Variants in ZC3H3 observed in about 807,000 individuals in gnomAD.
ZC3H3 encodes the protein zinc finger CCCH domain-containing protein 3.
ZC3H3 carries 36 observed loss-of-function variants against 77.3 expected under a neutral mutation model. That is an observed-to-expected ratio of 0.47 (90% CI 0.36 to 0.61). The LOEUF (loss-of-function observed/expected upper bound fraction) is 0.61, where lower values mean the gene tolerates loss of function less well. Among genes scored for constraint, ZC3H3 ranks in the 20% least tolerant of loss-of-function variants. The probability of loss-of-function intolerance (pLI) is 0.00; values close to 1 mark genes in which losing one functional copy is unlikely to be tolerated. For synonymous variants in ZC3H3, 626 were observed against 555.2 expected (o/e 1.13, Z -1.79); for missense variants, 1,331 against 1,312.2 (o/e 1.01, Z -0.22).
At chr8:143,517,367 C>T (rs1383068990) in intron 3 of ZC3H3, among the ~76,000 whole-genome samples, 1 of 152,112 alleles carries the variant, frequency 6.6e-6, no homozygotes. Context: ...AAGGGGGTTC[C>T]CAAAAAGGGT....
chr8:143,458,005 C>T (rs889653094), intron 9 of ZC3H3, among the ~76,000 whole-genome samples: 1 of 151,840 alleles, frequency 6.6e-6, no homozygotes, highest in Non-Finnish European at 1.5e-5. Flanking sequence ...CCAATGAAAT[C>T]GAAAACAGAA....
rs113383821 is a variant in ZC3H3 at position 143,460,839 on chromosome 8, T to C, written c.2307+4878A>G. ...GGGACACAGCTAGACCCTGGAAACA[T>C]TACGCTGCGTGAAAGACGCCAGACA... On this transcript the variant is annotated intron_variant, in intron 9 of 11. Transcript: ENST00000262577. This position sits in a 1 kb window ranked among gnomAD's most constrained non-coding sequence, Gnocchi z 4.0. 9.6e-3 allele frequency among the ~76,000 whole-genome samples: 1,465 copies of C among 152,228 alleles called. 18 individuals carry two copies. Among genetic ancestry groups the C allele is most frequent in the Middle Eastern group, 0.024 (7 of 294 alleles).
At chr8:143,523,797 A>C (rs1389911713) in intron 3 of ZC3H3, among the ~76,000 whole-genome samples, 1 of 152,238 alleles carries the variant, frequency 6.6e-6, no homozygotes, top group Non-Finnish European at 1.5e-5. Context: ...GACCTGCTAG[A>C]GCCAGAGCAC....
At chr8:143,518,315 G>C (rs575751744) in intron 3 of ZC3H3, among the ~76,000 whole-genome samples, 5 of 152,300 alleles carry the variant, frequency 3.3e-5, no homozygotes, top group Non-Finnish European at 7.4e-5. Flanking sequence ...CCCAAGGTCA[G>C]TGGAACAGAT....
At chr8:143,483,507 C>G (rs1408949333) in intron 4 of ZC3H3, among the ~76,000 whole-genome samples, 3 of 152,146 alleles carry the variant, frequency 2.0e-5, no homozygotes, top group African/African-American at 7.2e-5. Context: ...GACAGAGTCC[C>G]TCATGGGAGG....
In ZC3H3 at chr8:143,538,543, G is replaced by C. The variant is rs538447082; in HGVS notation, c.824C>G (p.Pro275Arg). ...VDAGHTDQPV[P>R]SGSVGGPARP... is the part of the protein sequence containing the mutation. ...GGCGGGGCCCCCCACTGAGCCAGAC[G>C]GAACTGGCTGATCTGTGTGGCCAGC... The change falls in exon 2 of 12, where the codon CCG (proline) becomes CGG (arginine). Residue 275 changes from proline to arginine, a missense_variant. Pro to Arg is a moderately radical substitution (Grantham distance 103). Around this residue, in one of 3 missense-constraint regions of ZC3H3, gnomAD observed 978 missense variants for 915.5 expected, o/e 1.07. Coordinates refer to ENST00000262577, the MANE Select transcript of ZC3H3 (RefSeq NM_015117.3). 1.9e-6 allele frequency: 3 copies of C among 1,611,828 alleles called. No homozygotes were observed. In the East Asian group the frequency reaches 6.7e-5, roughly 36 times the overall value.
chr8:143,497,138 G>A (rs1001007872), intron 4 of ZC3H3, among the ~76,000 whole-genome samples: 7 of 152,366 alleles, frequency 4.6e-5, no homozygotes, highest in Admixed American at 3.9e-4. Flanking sequence ...TGCAACTTCT[G>A]TAAAAGTATA....
chr8:143,530,713 C>T lies in ZC3H3; in HGVS notation c.1561+5544G>A, dbSNP rs190259556. On this transcript the variant is annotated intron_variant, in intron 3 of 11. Transcript: ENST00000262577. This position sits in a 1 kb window ranked among gnomAD's most constrained non-coding sequence, Gnocchi z 4.3. ...ACTTCCCCCGCACCACAGTGAGAGC[C>T]TGGCCACAGTGCTCAGCCGTGTGTA... Among the ~76,000 whole-genome samples, 1 of 152,344 alleles carries T rather than the reference C, an allele frequency of 6.6e-6. No individual in the cohort carries two copies. Among genetic ancestry groups the T allele is most frequent in the Non-Finnish European group, 1.5e-5 (1 of 68,024 alleles).
rs994904923 is a variant in ZC3H3, at chr8:143,530,525, G to C, written c.1561+5732C>G. On this transcript the variant is annotated intron_variant, in intron 3 of 11. Coordinates refer to ENST00000262577, the MANE Select transcript of ZC3H3 (RefSeq NM_015117.3). This position sits in a 1 kb window ranked among gnomAD's most constrained non-coding sequence, Gnocchi z 4.3. ...AGCTCCCCAGCCTGGGCACAGGGTG[G>C]TGGGTGGGAGAGCTGGCCCTCACTC... is the stretch of plus-strand genomic sequence containing the variant. 2.6e-5 allele frequency among the ~76,000 whole-genome samples: 4 copies of C among 152,062 alleles called. No homozygotes were observed. The highest frequency in any genetic ancestry group is 4.4e-5 in the Non-Finnish European group (3 of 68,006).
Position 143,493,464 on chromosome 8 carries a change from T to C in ZC3H3, c.1715+14282A>G, listed in dbSNP as rs1436179472. Reference sequence around the variant, plus strand: ...CAAGGCCGAGGCTGCAGGAGGGGTCTGGCCCTCGGCCACACCTGGAGAAGG... The same window carrying C: ...CAAGGCCGAGGCTGCAGGAGGGGTCCGGCCCTCGGCCACACCTGGAGAAGG... On this transcript the variant is annotated intron_variant, in intron 4 of 11. Transcript: ENST00000262577. This position sits in a 1 kb window ranked among gnomAD's most constrained non-coding sequence, Gnocchi z 4.8. Among the ~76,000 whole-genome samples the C allele has an allele frequency of 6.6e-6, 1 of 152,188 alleles. No homozygotes were observed. The highest frequency in any genetic ancestry group is 2.4e-5 in the African/African-American group (1 of 41,448).
intron 3 of ZC3H3, chr8:143,523,519 G>A (rs1227467995): frequency 1.0e-6 from 1 of 985,334 alleles, no homozygotes; most frequent in Non-Finnish European, 1.2e-6. Flanking sequence ...AGCCACCTCA[G>A]GACAACTGCC....
chr8:143,461,566 G>C (rs936565865), intron 9 of ZC3H3, among the ~76,000 whole-genome samples: 2 of 152,160 alleles, frequency 1.3e-5, no homozygotes, highest in Non-Finnish European at 2.9e-5. Context: ...GGACATTCGA[G>C]GCAGTATTAT....
rs573769766 is a variant in ZC3H3 at position 143,478,287 on chromosome 8, G to A, written c.1716-2702C>T. Among the ~76,000 whole-genome samples, 3 of 152,326 alleles carry A rather than the reference G, an allele frequency of 2.0e-5. No homozygotes were observed. The East Asian group carries it at 5.8e-4, about 29-fold the overall frequency. ...TGTGGCTCTCCAAAGGCACCCGGATGGAGGGCGAGGCCCGGGCTGCAGCAC... is the reference window on the plus strand; with the variant it reads ...TGTGGCTCTCCAAAGGCACCCGGATAGAGGGCGAGGCCCGGGCTGCAGCAC... On this transcript the variant is annotated intron_variant, in intron 4 of 11. Coordinates refer to ENST00000262577, the MANE Select transcript of ZC3H3 (RefSeq NM_015117.3).
chr8:143,518,292 G>A (rs1304005967), intron 3 of ZC3H3, among the ~76,000 whole-genome samples: 4 of 152,216 alleles, frequency 2.6e-5, no homozygotes, highest in Non-Finnish European at 4.4e-5. Flanking sequence ...CACATGGCTG[G>A]GCCTGGCTGG....
rs777769038 is a variant in ZC3H3 at position 143,507,877 on chromosome 8, C to A, written c.1584G>T (p.Arg528=). The part of the protein sequence containing the change: ...TKEASSLHAV[R]TAPTSKVIKT... Reference sequence around the variant, plus strand: ...TGATCACCTTGCTGGTGGGTGCAGTCCGCACGGCATGCAGGCTGGACGCTG... The same window carrying A: ...TGATCACCTTGCTGGTGGGTGCAGTACGCACGGCATGCAGGCTGGACGCTG... Residue 528 remains arginine, a synonymous_variant, in exon 4 of 12, where the codon CGG becomes CGT. Transcript: ENST00000262577. The A allele has an allele frequency of 2.5e-6, 4 of 1,604,246 alleles. No homozygotes were observed. The South Asian group carries it at 3.3e-5, about 13-fold the overall frequency.
chr8:143,497,175 T>G (rs892512595), intron 4 of ZC3H3, among the ~76,000 whole-genome samples: 1 of 152,156 alleles, frequency 6.6e-6, no homozygotes, highest in African/African-American at 2.4e-5. Context: ...TCCCAAAAAA[T>G]TAAACGCAAG....
chr8:143,452,631 A>G (rs1820017959), intron 9 of ZC3H3, among the ~76,000 whole-genome samples: 1 of 152,194 alleles, frequency 6.6e-6, no homozygotes, highest in African/African-American at 2.4e-5. Flanking sequence ...CAACAGAGAA[A>G]AAGAAGATAC....
Position 143,507,893 on chromosome 8 carries a change from C to A in ZC3H3, c.1568G>T (p.Ser523Ile). 6.3e-7 allele frequency: 1 copy of A among 1,590,904 alleles called. No homozygotes were observed. The highest frequency in any genetic ancestry group is 8.6e-7 in the Non-Finnish European group (1 of 1,165,688). ...GGGTGCAGTCCGCACGGCATGCAGG[C>A]TGGACGCTGTAGAGAAAACCCAGGG... is the stretch of plus-strand genomic sequence containing the variant. ...RAHLPTKEAS[S>I]LHAVRTAPTS... The change falls in exon 4 of 12, where the codon AGC becomes ATC. Residue 523 changes from serine (S) to isoleucine (I), a missense_variant. Transcript: ENST00000262577.
Position 143,538,621 on chromosome 8 carries a change from G to A in ZC3H3, c.746C>T (p.Ser249Phe), listed in dbSNP as rs755622669. ...TGVALGRKLG[S>F]HSVASCAPQL... ...TGGAGCACAGCTGGCCACGGAATGAGAACCCAGCTTCCGGCCCAGGGCCAC... is the reference window on the plus strand; with the variant it reads ...TGGAGCACAGCTGGCCACGGAATGAAAACCCAGCTTCCGGCCCAGGGCCAC... Residue 249 changes from serine to phenylalanine, a missense_variant, in exon 2 of 12, where the codon TCT becomes TTT. Ser to Phe is a radical substitution (Grantham distance 155). This residue lies in a region of ZC3H3 where 978 missense variants were observed against 915.5 expected (regional missense o/e 1.07). Transcript: ENST00000262577. 36 of 1,609,344 alleles carry A rather than the reference G, an allele frequency of 2.2e-5. No homozygotes were observed. Among genetic ancestry groups the A allele is most frequent in the Non-Finnish European group, 2.5e-5 (29 of 1,180,002 alleles).
Sources: gnomAD v4.1 joint callset for allele counts (sites outside exome capture counted in the v4.1 genomes callset) on GRCh38, gnomAD v4.1.1 for gene constraint, gnomAD v4.1.1 regional missense constraint, Gnocchi (gnomAD v3.1) non-coding constraint, MANE v1.5 for transcripts, NCBI Gene and HGNC (gene_info 2026-07-23, HGNC 2026-07-21) for gene names.